The following PDE6D variants were observed in gnomAD, a reference collection of about 807,000 sequenced individuals.
The protein encoded by PDE6D is retinal rod rhodopsin-sensitive cGMP 3',5'-cyclic phosphodiesterase subunit delta.
Under a neutral mutation model 21.9 loss-of-function variants are expected in PDE6D, and 10 were observed. That is an observed-to-expected ratio of 0.46 (90% CI 0.28 to 0.78). PDE6D has a LOEUF of 0.78. PDE6D is among the 30% of genes least tolerant of loss of function. The probability of loss-of-function intolerance (pLI) is 0.12; values close to 1 mark genes in which losing one functional copy is unlikely to be tolerated. For synonymous variants in PDE6D, 59 were observed against 63.5 expected (o/e 0.93, Z 0.34); for missense variants, 139 against 184.8 (o/e 0.75, Z 1.44).
chr2:231,743,162 A>G (rs559448491), intron 1 of PDE6D, among the ~76,000 whole-genome samples: 6 of 152,198 alleles, frequency 3.9e-5, no homozygotes, highest in Non-Finnish European at 7.4e-5. Context: ...GTCGTGGCTC[A>G]CGCCTGTAAT....
rs755579522 is a variant in PDE6D, at chr2:231,772,336, C to T, written c.50+8729G>A. Among the ~76,000 whole-genome samples the T allele has an allele frequency of 2.8e-4, 42 of 152,154 alleles. 1 individual carries two copies. Among genetic ancestry groups the T allele is most frequent in the Admixed American group, 1.1e-3 (17 of 15,266 alleles). ...TTCATGTGTCCTACGGTGAGACCAT[C>T]GCCTTCTTTGCCATAAACAGTAAGC... On this transcript the variant is annotated intron_variant, in intron 1 of 4. Coordinates refer to ENST00000287600, the MANE Select transcript of PDE6D (RefSeq NM_002601.4).
intron 3 of PDE6D, 41 bp from the exon 4 acceptor site, chr2:231,737,333 G>C (rs770933663): frequency 9.0e-7 from 1 of 1,105,146 alleles, no homozygotes; most frequent in Non-Finnish European, 1.4e-6. Flanking sequence ...AGGTGCCCCA[G>C]TATAAAGTTT....
chr2:231,777,509 G>C (rs766322212), intron 1 of PDE6D, among the ~76,000 whole-genome samples: 56 of 152,184 alleles, frequency 3.7e-4, no homozygotes, highest in Non-Finnish European at 7.5e-4. Context: ...ATATGGGCAA[G>C]CTTCCATGTG....
chr2:231,750,066 TG>T (rs1396652319), intron 1 of PDE6D, among the ~76,000 whole-genome samples: 1 of 152,056 alleles, frequency 6.6e-6, no homozygotes, highest in East Asian at 1.9e-4. Flanking sequence ...AATTGAATCA[TG>T]GGGGCTGGTC....
At chr2:231,764,507 G>A (rs551342997) in intron 1 of PDE6D, among the ~76,000 whole-genome samples, 3 of 152,328 alleles carry the variant, frequency 2.0e-5, no homozygotes, top group African/African-American at 7.2e-5. Flanking sequence ...GGACAACAGA[G>A]AAGGGTGAGA....
In PDE6D at chr2:231,746,164, C is replaced by T. The variant is rs191532164; in HGVS notation, c.51-6976G>A. Among the ~76,000 whole-genome samples, 11 of 152,102 alleles carry T rather than the reference C, an allele frequency of 7.2e-5. No individual in the cohort carries two copies. In the East Asian group the frequency reaches 7.7e-4, roughly 11 times the overall value. ...ATTTTACTTTATTTTATTTTTGAGA[C>T]GGAGTCCCAATCTGTTGTCCAGGCT... On this transcript the variant is annotated intron_variant, in intron 1 of 4. Transcript: ENST00000287600.
At chr2:231,778,759 A>ACTATG (rs1292932533) in intron 1 of PDE6D, 1 of 152,244 alleles carries the variant, frequency 6.6e-6, no homozygotes, top group African/African-American at 2.4e-5. Context: ...GCTCTTAACC[A>ACTATG]CTATGCTACA....
In PDE6D at chr2:231,737,195, G is replaced by A. The variant is rs1206823310; in HGVS notation, c.363C>T (p.Ser121=). Residue 121 remains serine (S), a synonymous_variant, in exon 4 of 5, where the codon AGC becomes AGT. Coordinates refer to ENST00000287600, the MANE Select transcript of PDE6D (RefSeq NM_002601.4). ...AAPESQMMPA[S]VLTGNVIIET... ...GAGACCTGCTCACTCACGTTAAGAC[G>A]CTTGCTGGCATCATCTGGGACTCGG... The A allele has an allele frequency of 5.6e-6, 9 of 1,594,978 alleles. No individual in the cohort carries two copies. Among genetic ancestry groups the A allele is most frequent in the South Asian group, 5.5e-5 (5 of 90,670 alleles).
At chr2:231,767,121 A>G (rs2106282966) in intron 1 of PDE6D, among the ~76,000 whole-genome samples, 1 of 152,192 alleles carries the variant, frequency 6.6e-6, no homozygotes. Context: ...AAAAAGGCTC[A>G]CAGGTATCGA....
At chr2:231,737,425 A>C in intron 3 of PDE6D, 133 bp from the exon 4 acceptor site, 1 of 569,588 alleles carries the variant, frequency 1.8e-6, no homozygotes, top group Non-Finnish European at 3.1e-6. Context: ...AACCTCTCAG[A>C]CCAGGGGCGT....
chr2:231,736,212 A>G (rs1305397650), intron 4 of PDE6D, among the ~76,000 whole-genome samples: 1 of 152,166 alleles, frequency 6.6e-6, no homozygotes, highest in Non-Finnish European at 1.5e-5. Context: ...ACAAAAACAA[A>G]AAACCTTAAA....
chr2:231,762,337 C>T (rs528781404), intron 1 of PDE6D, among the ~76,000 whole-genome samples: 11 of 133,714 alleles, frequency 8.2e-5, no homozygotes, highest in East Asian at 2.0e-4. Context: ...CAAGGACTAA[C>T]GCTTTTTTTT....
intron 1 of PDE6D, among the ~76,000 whole-genome samples, chr2:231,759,772 C>G (rs1273657386): frequency 2.6e-5 from 4 of 152,138 alleles, no homozygotes; most frequent in Non-Finnish European, 5.9e-5. Flanking sequence ...AAACAGTGAA[C>G]TACTGCCCAA....
Position 231,752,725 on chromosome 2 carries a change from TTTTG to T in PDE6D, c.51-13541_51-13538del, listed in dbSNP as rs200524180. Among the ~76,000 whole-genome samples the T allele has an allele frequency of 6.3e-4, 96 of 151,906 alleles. No individual in the cohort carries two copies. In the East Asian group the frequency reaches 0.016, roughly 26 times the overall value. On this transcript the variant is annotated intron_variant, in intron 1 of 4. Coordinates refer to ENST00000287600, the MANE Select transcript of PDE6D (RefSeq NM_002601.4). Reference sequence around the variant, plus strand: ...AATCTTCATCTCTTTGCTCATCCTCTTTTGTTTTAGAGATAAGGCCTAATTCTAC... The same window carrying T: ...AATCTTCATCTCTTTGCTCATCCTCTTTTTAGAGATAAGGCCTAATTCTAC...
chr2:231,770,430 G>A (rs1426075968), intron 1 of PDE6D, among the ~76,000 whole-genome samples: 1 of 149,612 alleles, frequency 6.7e-6, no homozygotes, highest in Non-Finnish European at 1.5e-5. Flanking sequence ...CCCTGTATCT[G>A]GTGAATTGAG....
intron 1 of PDE6D, among the ~76,000 whole-genome samples, chr2:231,776,967 G>C (rs1283722627): frequency 2.6e-5 from 4 of 152,182 alleles, no homozygotes; most frequent in East Asian, 3.8e-4. Flanking sequence ...CCACAGTCCA[G>C]TATAGCTCTT....
intron 1 of PDE6D, among the ~76,000 whole-genome samples, chr2:231,741,620 C>T (rs2106264004): frequency 6.6e-6 from 1 of 152,188 alleles, no homozygotes; most frequent in South Asian, 2.1e-4. Context: ...CATAGAATAC[C>T]TAGTGTGTTT....
intron 1 of PDE6D, among the ~76,000 whole-genome samples, chr2:231,767,014 AAAAAG>A (rs2048976369): frequency 6.6e-6 from 1 of 151,378 alleles, no homozygotes; most frequent in African/African-American, 2.4e-5. Flanking sequence ...AAAAAAAAAA[AAAAAG>A]CTAAGTCAAA....
intron 1 of PDE6D, among the ~76,000 whole-genome samples, chr2:231,776,980 C>T (rs570343305): frequency 6.6e-6 from 1 of 152,316 alleles, no homozygotes; most frequent in African/African-American, 2.4e-5. Flanking sequence ...TAGCTCTTAA[C>T]CACTATGCTA....
Sources: allele counts gnomAD v4.1 joint callset (sites outside exome capture counted in the v4.1 genomes callset), GRCh38; gene constraint gnomAD v4.1.1; transcripts MANE v1.5; gene names NCBI Gene and HGNC (gene_info 2026-07-23, HGNC 2026-07-21).